The following CD81 variants were observed in gnomAD, a reference collection of about 807,000 sequenced individuals.
CD81 encodes the protein CD81 molecule.
Under a neutral mutation model 30.1 loss-of-function variants are expected in CD81, and 10 were observed. That is an observed-to-expected ratio of 0.33 (90% CI 0.21 to 0.56). CD81 has a LOEUF of 0.56. CD81 is among the 20% of genes least tolerant of loss of function. CD81 has a pLI of 0.89. For synonymous variants in CD81, 147 were observed against 126.4 expected, an observed-to-expected ratio of 1.16 and a Z score of -1.10; for missense variants, 263 against 308.7, an observed-to-expected ratio of 0.85 and a Z score of 1.11.
chr11:2,389,091 C>A (rs886213400), intron 1 of CD81, among the ~76,000 whole-genome samples: 1 of 152,050 alleles, frequency 6.6e-6, no homozygotes, highest in African/African-American at 2.4e-5. Flanking sequence ...TGGAACTGAC[C>A]AATTGTGTCC....
intron 5 of CD81, 83 bp downstream of exon 5, chr11:2,395,603 C>A (rs976554347): frequency 2.7e-6 from 3 of 1,096,548 alleles, no homozygotes; most frequent in African/African-American, 3.1e-5. Flanking sequence ...ATCCTGCCTA[C>A]GCCCAGACCT....
At chr11:2,386,876 G>A (rs1331996071) in intron 1 of CD81, among the ~76,000 whole-genome samples, 1 of 152,254 alleles carries the variant, frequency 6.6e-6, no homozygotes, top group Non-Finnish European at 1.5e-5. Flanking sequence ...CTGCAGGCCA[G>A]GACCAGCCTT....
chr11:2,388,322 G>A (rs913418511), intron 1 of CD81, among the ~76,000 whole-genome samples: 8 of 147,856 alleles, frequency 5.4e-5, no homozygotes, highest in African/African-American at 8.0e-5. Flanking sequence ...CCACCCACCC[G>A]AACCCTCACC....
At chr11:2,386,763 C>T (rs986338874) in intron 1 of CD81, 112 of 656,118 alleles carry the variant, frequency 1.7e-4, no homozygotes, top group Non-Finnish European at 7.9e-5. Context: ...ACCCCCATTT[C>T]CGGCTGTCCC....
chr11:2,385,635 G>A lies in CD81; in HGVS notation c.67-4777G>A, dbSNP rs532905004. ...GCACCCGTGCTGTGGCGTGCCCGTCGTCTGTGCACCCGTGCTGTGGTGTGC... is the reference window on the plus strand; with the variant it reads ...GCACCCGTGCTGTGGCGTGCCCGTCATCTGTGCACCCGTGCTGTGGTGTGC... On this transcript the variant is annotated intron_variant, in intron 1 of 7. Transcript: ENST00000263645. 39 of 66,048 alleles carry A rather than the reference G, an allele frequency of 5.9e-4. 2 individuals are homozygous for A. The highest frequency in any genetic ancestry group is 1.5e-3 in the Non-Finnish European group (30 of 20,256). The allele number at this position is 66,048 out of a possible 1,614,324, so 4.1% of individuals were successfully genotyped here.
chr11:2,394,933 C>G, intron 3 of CD81, 39 bp from the exon 4 acceptor site: 2 of 1,588,634 alleles, frequency 1.3e-6, no homozygotes, highest in Non-Finnish European at 1.7e-6. Flanking sequence ...CGCCTACAGC[C>G]TGCCCTCTTT....
chr11:2,395,470 G>A lies in CD81; in HGVS notation c.409G>A (p.Asp137Asn), dbSNP rs767263004. ...CCAGGCCCTACAGCAGGCCGTGGTG[G>A]ATGATGACGCCAACAACGCCAAGGC... ...YDQALQQAVVDDDANNAKAVV... is the reference protein window; with the variant it reads ...YDQALQQAVVNDDANNAKAVV... The change falls in exon 5 of 8, where the codon GAT (aspartate) becomes AAT (asparagine). Residue 137 changes from aspartate to asparagine, a missense_variant. Physicochemically the swap from Asp to Asn is conservative, Grantham distance 23. This residue lies in a region of CD81 where 176 missense variants were observed against 192.9 expected (regional missense o/e 0.91). Coordinates refer to ENST00000263645, the MANE Select transcript of CD81 (RefSeq NM_004356.4). The A allele has an allele frequency of 2.0e-4, 318 of 1,612,704 alleles. No homozygotes were observed. Among genetic ancestry groups the A allele is most frequent in the Non-Finnish European group, 2.6e-4 (310 of 1,179,928 alleles).
rs1849643534 is a variant in CD81, at chr11:2,378,644, T to A, written c.66+1029T>A. Reference sequence around the variant, plus strand: ...AAATCCCTTCTTGGCCTGGAAGGACTGGAGTGGGTGTCCATGGCCGCGGCC... The same window carrying A: ...AAATCCCTTCTTGGCCTGGAAGGACAGGAGTGGGTGTCCATGGCCGCGGCC... On this transcript the variant is annotated intron_variant, in intron 1 of 7. Transcript: ENST00000263645. The surrounding 1 kb of genome is among the most constrained non-coding windows in gnomAD (Gnocchi z 4.9). Among the ~76,000 whole-genome samples the A allele has an allele frequency of 1.3e-5, 2 of 152,192 alleles. No homozygotes were observed. The highest frequency in any genetic ancestry group is 4.1e-4 in the South Asian group (2 of 4,836).
upstream of CD81, chr11:2,376,222 G>A (rs568398515): frequency 3.1e-4 from 45 of 145,024 alleles, 1 homozygote; most frequent in African/African-American, 1.2e-3. Context: ...AGTCATCTGT[G>A]CCAGGGGGTT....
intron 1 of CD81, chr11:2,385,913 T>TA (rs1313988145): frequency 3.0e-6 from 2 of 660,476 alleles, no homozygotes; most frequent in African/African-American, 3.6e-5. Flanking sequence ...CTTGGGTAAA[T>TA]ACCTGTGCGT....
intron 1 of CD81, among the ~76,000 whole-genome samples, chr11:2,388,681 G>T (rs982123501): frequency 6.6e-6 from 1 of 152,234 alleles, no homozygotes; most frequent in African/African-American, 2.4e-5. Context: ...AGCTCTGGGA[G>T]CAGCTGCCTT....
chr11:2,393,539 G>A, intron 2 of CD81: 2 of 320,048 alleles, frequency 6.2e-6, no homozygotes, highest in Non-Finnish European at 1.2e-5. Flanking sequence ...GTGCTGCTGT[G>A]CAGCCCAGAT....
At chr11:2,396,097 C>G in intron 6 of CD81, 127 bp downstream of exon 6, 1 of 646,808 alleles carries the variant, frequency 1.5e-6, no homozygotes, top group East Asian at 3.1e-5. Context: ...TGGCCCCTGT[C>G]AGGGCTGCTC....
chr11:2,396,390 T>C, intron 6 of CD81: 2 of 604,972 alleles, frequency 3.3e-6, no homozygotes, highest in Non-Finnish European at 5.9e-6. Flanking sequence ...GTGATCTCAG[T>C]GGAAAAGGGC....
In CD81 at chr11:2,395,984, G is replaced by C. The variant is rs1246226936; in HGVS notation, c.561+14G>C. The stretch of plus-strand genomic sequence containing the variant: ...AACCTCTTCAAGGTGCGCGAGGCCG[G>C]TGGGGCCGCGCCTGACCCCCCGCAT... On this transcript the variant is annotated intron_variant, in intron 6 of 7. Coordinates refer to ENST00000263645, the MANE Select transcript of CD81 (RefSeq NM_004356.4). 9.6e-6 allele frequency: 15 copies of C among 1,561,936 alleles called. No homozygotes were observed. The highest frequency in any genetic ancestry group is 1.2e-5 in the Non-Finnish European group (14 of 1,134,706).
chr11:2,394,235 TG>T, intron 3 of CD81, 43 bp downstream of exon 3: 1 of 1,386,906 alleles, frequency 7.2e-7, no homozygotes. Context: ...GGGGAGGGGC[TG>T]GGGGCTGCGT....
chr11:2,387,600 C>T (rs1026491161), intron 1 of CD81, among the ~76,000 whole-genome samples: 6 of 152,058 alleles, frequency 3.9e-5, no homozygotes, highest in African/African-American at 1.4e-4. Context: ...TGTGCTCCCA[C>T]GGGTATAATG....
chr11:2,397,151 G>A lies in CD81; in HGVS notation c.*285G>A. 1 of 498,126 alleles carries A rather than the reference G, an allele frequency of 2.0e-6. No homozygotes were observed. The highest frequency in any genetic ancestry group is 3.7e-6 in the Non-Finnish European group (1 of 272,992). 30.9% of individuals were successfully genotyped at this position (498,126 alleles called of 1,614,324 possible). A position where few individuals can be genotyped will look rare whatever the true frequency, so the allele number is the denominator to read the frequency against. ...GGTCCCAGGGTGCTCTGCCTGCTCA[G>A]CCAGGCCTCTCCTGGGAGCCACTCG... On this transcript the variant is annotated 3_prime_UTR_variant, in exon 8 of 8. Coordinates refer to ENST00000263645, the MANE Select transcript of CD81 (RefSeq NM_004356.4).
At chr11:2,383,493 G>A (rs759729069) in intron 1 of CD81, among the ~76,000 whole-genome samples, 5 of 152,148 alleles carry the variant, frequency 3.3e-5, no homozygotes, top group Non-Finnish European at 5.9e-5. Flanking sequence ...CCTTCACCCA[G>A]TATCTCCAGG....
Sources: allele counts gnomAD v4.1 joint callset (sites outside exome capture counted in the v4.1 genomes callset), GRCh38; gene constraint gnomAD v4.1.1; regional missense constraint gnomAD v4.1.1; non-coding constraint Gnocchi (gnomAD v3.1); transcripts MANE v1.5; gene names NCBI Gene and HGNC (gene_info 2026-07-23, HGNC 2026-07-21).